Variants in PTPRN2 observed in about 807,000 individuals in gnomAD.
PTPRN2 encodes the protein receptor-type tyrosine-protein phosphatase N2.
Under a neutral mutation model 118.8 loss-of-function variants are expected in PTPRN2, and 74 were observed. The observed-to-expected ratio is 0.62, with a 90% confidence interval of 0.52 to 0.76. PTPRN2 has a LOEUF of 0.76. Ranked by LOEUF, PTPRN2 falls within the 30% of genes least tolerant of loss-of-function variation. PTPRN2 has a pLI of 0.00. For synonymous variants in PTPRN2, 641 were observed against 608.0 expected, an observed-to-expected ratio of 1.05 and a Z score of -0.80; for missense variants, 1,481 against 1,394.4, an observed-to-expected ratio of 1.06 and a Z score of -0.99.
At chr7:157,864,012 T>G (rs762194820) in intron 12 of PTPRN2, 2 of 152,258 alleles carry the variant, frequency 1.3e-5, no homozygotes, top group Non-Finnish European at 2.9e-5. Context: ...GCTCTCTGCA[T>G]GTGTGATTCT....
At chr7:158,435,271 T>C (rs1406542306) in intron 2 of PTPRN2, among the ~76,000 whole-genome samples, 3 of 152,190 alleles carry the variant, frequency 2.0e-5, no homozygotes, top group African/African-American at 7.2e-5. Context: ...AATAACCTGA[T>C]TTTTTAAACG....
chr7:157,957,123 G>A (rs542667628), intron 11 of PTPRN2, among the ~76,000 whole-genome samples: 18 of 152,316 alleles, frequency 1.2e-4, no homozygotes, highest in African/African-American at 4.1e-4. Context: ...TTAATAAACA[G>A]CTCAAGCACT....
chr7:158,555,344 G>A lies in PTPRN2; in HGVS notation c.112+32214C>T, dbSNP rs80036620. Among the ~76,000 whole-genome samples, 900 of 152,286 alleles carry A rather than the reference G, an allele frequency of 5.9e-3. 3 individuals carry two copies. The highest frequency in any genetic ancestry group is 0.02 in the Middle Eastern group (6 of 294). Reference sequence around the variant, plus strand: ...AGGAGAAGGCGGCACCAAGCCCAGCGTCGAACGAAGCAGGTCCTTCTCCCT... The same window carrying A: ...AGGAGAAGGCGGCACCAAGCCCAGCATCGAACGAAGCAGGTCCTTCTCCCT... On this transcript the variant is annotated intron_variant, in intron 1 of 22. Transcript: ENST00000389418. This position sits in a 1 kb window ranked among gnomAD's most constrained non-coding sequence, Gnocchi z 4.7.
Position 158,270,737 on chromosome 7 carries a change from T to C in PTPRN2, c.277+46082A>G, listed in dbSNP as rs543146037. Among the ~76,000 whole-genome samples the C allele has an allele frequency of 4.7e-4, 69 of 147,318 alleles. 1 individual carries two copies. The highest frequency in any genetic ancestry group is 1.7e-3 in the African/African-American group (66 of 38,108). On this transcript the variant is annotated intron_variant, in intron 3 of 22. Transcript: ENST00000389418. The stretch of plus-strand genomic sequence containing the variant: ...GCCCCTCTCCCTGGGGTGCCTTCTC[T>C]ACCTGAGCCGTCTTCTCCACCTGGA...
chr7:157,915,617 C>T (rs1467579391), intron 11 of PTPRN2, among the ~76,000 whole-genome samples: 1 of 152,086 alleles, frequency 6.6e-6, no homozygotes, highest in Admixed American at 6.5e-5. Flanking sequence ...TTCTATTAGC[C>T]TTACCATATC....
intron 6 of PTPRN2, among the ~76,000 whole-genome samples, chr7:158,147,426 T>C (rs13226846): frequency 2.7e-3 from 37 of 13,918 alleles, no homozygotes; most frequent in Admixed American, 3.9e-3. Flanking sequence ...CCCCATCTCA[T>C]GCCACACGTC....
In PTPRN2 at chr7:157,845,510, C is replaced by G. The variant is rs181603616; in HGVS notation, c.1788+53163G>C. 1.2e-4 allele frequency among the ~76,000 whole-genome samples: 19 copies of G among 152,318 alleles called. No individual in the cohort carries two copies. The highest frequency in any genetic ancestry group is 4.6e-4 in the African/African-American group (19 of 41,572). On this transcript the variant is annotated intron_variant, in intron 12 of 22. Coordinates refer to ENST00000389418, the MANE Select transcript of PTPRN2 (RefSeq NM_002847.5). This position sits in a 1 kb window ranked among gnomAD's most constrained non-coding sequence, Gnocchi z 4.5. ...CACCCTGGTGAACCACGCAGCCTAA[C>G]TCAGCATGTTCCCGGCCACATCCCG... is the stretch of plus-strand genomic sequence containing the variant.
intron 11 of PTPRN2, among the ~76,000 whole-genome samples, chr7:158,053,746 C>T (rs1002608752): frequency 2.0e-5 from 3 of 150,310 alleles, no homozygotes; most frequent in Non-Finnish European, 4.4e-5. Context: ...CCTAGAGATG[C>T]AGAGACTCCA....
At chr7:158,186,522 G>A (rs769632404) in intron 5 of PTPRN2, among the ~76,000 whole-genome samples, 1 of 152,126 alleles carries the variant, frequency 6.6e-6, no homozygotes, top group African/African-American at 2.4e-5. Flanking sequence ...ACCCCCTCTG[G>A]CATGAGTACG....
At chr7:158,147,778 T>C (rs12536950) in intron 6 of PTPRN2, among the ~76,000 whole-genome samples, 51,532 of 59,998 alleles carry the variant, frequency 0.86, 22,096 homozygotes, top group African/African-American at 0.92. Context: ...CGCCACGTGT[T>C]ATTCCCCCTC....
rs74671952 is a variant in PTPRN2 at position 158,416,909 on chromosome 7, A to G, written c.163+72826T>C. Among the ~76,000 whole-genome samples, 1,277 of 152,354 alleles carry G rather than the reference A, an allele frequency of 8.4e-3. 19 individuals carry two copies. Among genetic ancestry groups the G allele is most frequent in the African/African-American group, 0.029 (1,200 of 41,578 alleles). ...GGCAAAGCACAAAATGTTGGAGGGC[A>G]ATCCAGACTCAGAAAGGGATTGACA... On this transcript the variant is annotated intron_variant, in intron 2 of 22. Transcript: ENST00000389418.
chr7:158,152,993 G>A (rs9647693), intron 6 of PTPRN2, among the ~76,000 whole-genome samples: 15,537 of 48,222 alleles, frequency 0.32, 4,799 homozygotes, highest in East Asian at 0.48. Context: ...AGAGCAGACC[G>A]ACAGACACCA....
chr7:158,146,693 C>A (rs1449352440), intron 6 of PTPRN2, among the ~76,000 whole-genome samples: 1 of 147,392 alleles, frequency 6.8e-6, no homozygotes, highest in South Asian at 2.1e-4. Flanking sequence ...TGCACTCCAG[C>A]CTGGGCGACA....
At chr7:157,751,282 G>A (rs555950314) in intron 12 of PTPRN2, among the ~76,000 whole-genome samples, 80 of 152,318 alleles carry the variant, frequency 5.3e-4, no homozygotes, top group East Asian at 2.1e-3. Context: ...TCCAGTTTGC[G>A]CGCACTGGAC....
intron 2 of PTPRN2, among the ~76,000 whole-genome samples, chr7:158,446,519 C>A (rs1024972121): frequency 6.6e-6 from 1 of 151,558 alleles, no homozygotes; most frequent in Non-Finnish European, 1.5e-5. Context: ...ACAGCCACCC[C>A]CAGCGGGCAG....
At chr7:158,435,345 CA>C (rs1349296224) in intron 2 of PTPRN2, among the ~76,000 whole-genome samples, 1 of 151,942 alleles carries the variant, frequency 6.6e-6, no homozygotes, top group Non-Finnish European at 1.5e-5. Context: ...AGGTATACAA[CA>C]AAAATGCTCG....
chr7:158,236,705 C>T (rs1419650938), intron 3 of PTPRN2, among the ~76,000 whole-genome samples: 1 of 152,228 alleles, frequency 6.6e-6, no homozygotes, highest in Admixed American at 6.5e-5. Flanking sequence ...CCTGTCCCCG[C>T]CTGGTCACCC....
intron 6 of PTPRN2, among the ~76,000 whole-genome samples, chr7:158,155,967 T>G (rs1484101657): frequency 6.6e-6 from 1 of 152,220 alleles, no homozygotes. Flanking sequence ...TCTCCTCATT[T>G]GGGCTTCCAC....
At chr7:158,475,952 C>T (rs1246759790) in intron 2 of PTPRN2, among the ~76,000 whole-genome samples, 1 of 152,232 alleles carries the variant, frequency 6.6e-6, no homozygotes, top group Non-Finnish European at 1.5e-5. Context: ...CAGGGCTGCA[C>T]ATCTGGGCTC....
Sources: gnomAD v4.1 joint callset for allele counts (sites outside exome capture counted in the v4.1 genomes callset) on GRCh38, gnomAD v4.1.1 for gene constraint, Gnocchi (gnomAD v3.1) non-coding constraint, MANE v1.5 for transcripts, NCBI Gene and HGNC (gene_info 2026-07-23, HGNC 2026-07-21) for gene names.